NDUFAF1: variants seen among roughly 807,000 people sequenced by gnomAD.
NDUFAF1 encodes the protein NADH:ubiquinone oxidoreductase complex assembly factor 1, also known as complex I intermediate-associated protein 30, mitochondrial.
A neutral mutation model predicts 28.7 loss-of-function variants in NDUFAF1; 18 were observed. The observed-to-expected ratio is 0.63, with a 90% CI of 0.43 to 0.93. The LOEUF (loss-of-function observed/expected upper bound fraction) is 0.93, where lower values mean the gene tolerates loss of function less well. NDUFAF1 is among the 40% of genes least tolerant of loss of function. The pLI is 0.00. For synonymous variants in NDUFAF1, 113 were observed against 139.7 expected (o/e 0.81, Z 1.35); for missense variants, 404 against 398.3 (o/e 1.01, Z -0.12).
intron 1 of NDUFAF1, 138 bp downstream of exon 1, chr15:41,402,006 A>ATTTTT: frequency 4.0e-6 from 1 of 247,680 alleles, no homozygotes; most frequent in African/African-American, 2.3e-5. Flanking sequence ...GCTTTGTTTC[A>ATTTTT]TTTTTTTTTT....
Position 41,402,424 on chromosome 15 carries a change from ACCGCCGGCCTG to A in NDUFAF1, c.-373_-363del, listed in dbSNP as rs1335632680. 4.6e-6 allele frequency: 2 copies of A among 435,254 alleles called. No individual in the cohort carries two copies. Among genetic ancestry groups the A allele is most frequent in the East Asian group, 7.1e-5 (1 of 14,012 alleles). The allele number at this position is 435,254 out of a possible 1,614,324, so 27.0% of individuals were successfully genotyped here. On this transcript the variant is annotated 5_prime_UTR_variant, in exon 1 of 5. Coordinates refer to ENST00000260361, the MANE Select transcript of NDUFAF1 (RefSeq NM_016013.4). Reference sequence around the variant, plus strand: ...GCCTCCCCACACCCGGGACACACCAACCGCCGGCCTGCCGCCGCTTACCTCCCCGAGCCTAT... The same window carrying A: ...GCCTCCCCACACCCGGGACACACCAACCGCCGCTTACCTCCCCGAGCCTAT...
Position 41,388,448 on chromosome 15 carries a change from C to T in NDUFAF1, c.834G>A (p.Lys278=), listed in dbSNP as rs1211928645. ...AGTGAAAAATACAGGAATATGTTAC[C>T]TTATCAAGCGGAAGCTCATGCTGAA... ...RDVQHELPLD[K]ISSIGFTLAD... Residue 278 remains lysine, a splice_region_variant and synonymous_variant, in exon 4 of 5, where the codon AAG becomes AAA. Coordinates refer to ENST00000260361, the MANE Select transcript of NDUFAF1 (RefSeq NM_016013.4). The T allele has an allele frequency of 1.9e-6, 3 of 1,606,722 alleles. No homozygotes were observed. In the African/African-American group the frequency reaches 4.0e-5, roughly 22 times the overall value.
rs535862725 is a variant in NDUFAF1, at chr15:41,397,078, T to A, written c.-19A>T. ...AAGCCATGGTACAAAAAAATCAAAA[T>A]GTAAGTTTCTTCCTGGGCTAGCAAG... On this transcript the variant is annotated 5_prime_UTR_variant, in exon 2 of 5. Coordinates refer to ENST00000260361, the MANE Select transcript of NDUFAF1 (RefSeq NM_016013.4). 1 of 1,611,416 alleles carries A rather than the reference T, an allele frequency of 6.2e-7. No individual in the cohort carries two copies. The highest frequency in any genetic ancestry group is 8.5e-7 in the Non-Finnish European group (1 of 1,178,538).
chr15:41,401,146 T>G (rs1051669137), intron 1 of NDUFAF1, among the ~76,000 whole-genome samples: 3 of 151,314 alleles, frequency 2.0e-5, no homozygotes, highest in African/African-American at 7.3e-5. Flanking sequence ...TTTTGTTTTT[T>G]CAGTAGAGAT....
intron 1 of NDUFAF1, among the ~76,000 whole-genome samples, chr15:41,398,973 C>A (rs55693915): frequency 0.025 from 3,752 of 151,128 alleles, 163 homozygotes; most frequent in African/African-American, 0.084. Flanking sequence ...AATAAAAAAA[C>A]CAAAAATTGT....
intron 1 of NDUFAF1, among the ~76,000 whole-genome samples, chr15:41,398,763 T>C (rs1224447689): frequency 1.3e-5 from 2 of 151,962 alleles, no homozygotes; most frequent in African/African-American, 2.4e-5. Context: ...AAGACCAGCC[T>C]GGCCAAAATG....
intron 3 of NDUFAF1, chr15:41,394,156 G>A: frequency 2.3e-6 from 1 of 438,598 alleles, no homozygotes; most frequent in South Asian, 1.6e-5. Context: ...AGCCTCCCGA[G>A]TAGCTGGGAT....
intron 1 of NDUFAF1, among the ~76,000 whole-genome samples, chr15:41,399,518 T>C (rs1172739082): frequency 1.4e-5 from 2 of 142,158 alleles, no homozygotes; most frequent in African/African-American, 5.3e-5. Flanking sequence ...GACTGCACCA[T>C]CGCACTCCAG....
At chr15:41,397,801 G>GAA (rs570795672) in intron 1 of NDUFAF1, among the ~76,000 whole-genome samples, 6 of 101,380 alleles carry the variant, frequency 5.9e-5, no homozygotes, top group Non-Finnish European at 6.1e-5. Flanking sequence ...TCTGTCTCGG[G>GAA]AAAAAAAAAA....
intron 3 of NDUFAF1, among the ~76,000 whole-genome samples, chr15:41,390,798 C>T (rs536179649): frequency 1.6e-4 from 25 of 151,758 alleles, no homozygotes; most frequent in Non-Finnish European, 2.9e-4. Flanking sequence ...TTTGGGAGGC[C>T]GAGGTGGGCG....
chr15:41,400,527 T>C (rs915664695), intron 1 of NDUFAF1, among the ~76,000 whole-genome samples: 1 of 151,482 alleles, frequency 6.6e-6, no homozygotes, highest in African/African-American at 2.4e-5. Context: ...CTAATACTTT[T>C]TTTTTTCTTT....
At chr15:41,398,270 TCA>T (rs1236536469) in intron 1 of NDUFAF1, among the ~76,000 whole-genome samples, 1 of 150,846 alleles carries the variant, frequency 6.6e-6, no homozygotes, top group African/African-American at 2.4e-5. Context: ...GGCGGATGGA[TCA>T]CCTGAGGTAA....
At chr15:41,390,350 G>C (rs2050300950) in intron 3 of NDUFAF1, among the ~76,000 whole-genome samples, 1 of 152,152 alleles carries the variant, frequency 6.6e-6, no homozygotes, top group African/African-American at 2.4e-5. Context: ...CAATAGTTCA[G>C]TGAAAATACT....
chr15:41,397,483 G>A lies in NDUFAF1; in HGVS notation c.-81-343C>T, dbSNP rs1306157063. Among the ~76,000 whole-genome samples, 4 of 152,108 alleles carry A rather than the reference G, an allele frequency of 2.6e-5. 1 individual carries two copies. Among genetic ancestry groups the A allele is most frequent in the Non-Finnish European group, 1.5e-5 (1 of 68,014 alleles). On this transcript the variant is annotated intron_variant, in intron 1 of 4. Coordinates refer to ENST00000260361, the MANE Select transcript of NDUFAF1 (RefSeq NM_016013.4). ...CGGTCCCAGCACTTTGGGAGGCTGA[G>A]GTGGGTGGATCACGAGGTCAAGAGA...
chr15:41,394,935 T>C lies in NDUFAF1; in HGVS notation c.683A>G (p.Asp228Gly), dbSNP rs1432491374. The C allele has an allele frequency of 1.1e-5, 18 of 1,614,168 alleles. No homozygotes were observed. Among genetic ancestry groups the C allele is most frequent in the Admixed American group, 1.7e-5 (1 of 60,014 alleles). Residue 228 changes from aspartate (D) to glycine (G), a missense_variant, in exon 3 of 5, where the codon GAT becomes GGT. Transcript: ENST00000260361. Reference sequence around the variant, plus strand: ...CATCTGATTCGTCCTCTGGAAGAAATCTGTGTCCTCCTTGATATTCACCAT... The same window carrying C: ...CATCTGATTCGTCCTCTGGAAGAAACCTGTGTCCTCCTTGATATTCACCAT... Reference protein sequence around the residue: ...PWMVNIKEDTDFFQRTNQMYS... With the variant: ...PWMVNIKEDTGFFQRTNQMYS...
At chr15:41,394,697 G>A (rs1156743440) in intron 3 of NDUFAF1, among the ~76,000 whole-genome samples, 162 bp downstream of exon 3, 1 of 132,484 alleles carries the variant, frequency 7.5e-6, no homozygotes, top group African/African-American at 2.9e-5. Flanking sequence ...ACAATGGCAC[G>A]ATCAGAGACT....
At chr15:41,387,631 C>T (rs1163655996) in intron 4 of NDUFAF1, 38 bp from the exon 5 acceptor site, 2 of 1,512,838 alleles carry the variant, frequency 1.3e-6, no homozygotes, top group Admixed American at 1.7e-5. Context: ...AAATCTCATA[C>T]AGTGACGTAC....
chr15:41,395,037 A>C lies in NDUFAF1; in HGVS notation c.581T>G (p.Phe194Cys). Residue 194 changes from phenylalanine (F) to cysteine (C), a missense_variant, in exon 3 of 5, where the codon TTT becomes TGT. By Grantham distance (205) the Phe-to-Cys change is radical. Coordinates refer to ENST00000260361, the MANE Select transcript of NDUFAF1 (RefSeq NM_016013.4). ...CCAATCGTAAGACATCTTCCTCTCA[A>C]AAGCACCCTAAGATATTGAAAGTAA... ...AMISRIPRGA[F>C]ERKMSYDWSQ... The C allele has an allele frequency of 6.2e-7, 1 of 1,613,866 alleles. No individual in the cohort carries two copies. The highest frequency in any genetic ancestry group is 8.5e-7 in the Non-Finnish European group (1 of 1,179,920).
chr15:41,393,121 G>GTTT (rs763641971), intron 3 of NDUFAF1, among the ~76,000 whole-genome samples: 19 of 123,942 alleles, frequency 1.5e-4, no homozygotes, highest in Admixed American at 2.4e-4. Context: ...TTCTTGTTGA[G>GTTT]TTTTTTTTTT....
Sources: gnomAD v4.1 joint callset for allele counts (sites outside exome capture counted in the v4.1 genomes callset) on GRCh38, gnomAD v4.1.1 for gene constraint, MANE v1.5 for transcripts, NCBI Gene and HGNC (gene_info 2026-07-23, HGNC 2026-07-21) for gene names.